The following DNAAF11 variants were observed in gnomAD, a reference collection of about 807,000 sequenced individuals.
DNAAF11 encodes leucine rich repeat containing 6.
In DNAAF11, 45 loss-of-function variants were observed where a neutral mutation model predicts 60.8. The observed-to-expected ratio is 0.74, with a 90% CI of 0.58 to 0.95. The LOEUF is 0.95. DNAAF11 is among the 40% of genes least tolerant of loss of function. The probability of loss-of-function intolerance (pLI) is 0.00; values close to 1 mark genes in which losing one functional copy is unlikely to be tolerated. For missense variants in DNAAF11, 546 were observed against 546.2 expected (o/e 1.00, Z 0.00); for synonymous variants, 191 against 183.5 (o/e 1.04, Z -0.33).
At chr8:132,627,477 C>T (rs954677735) in intron 5 of DNAAF11, among the ~76,000 whole-genome samples, 3 of 152,162 alleles carry the variant, frequency 2.0e-5, no homozygotes, top group Non-Finnish European at 2.9e-5. Context: ...ACTCTCTTCC[C>T]ATCCATAAGC....
intron 10 of DNAAF11, among the ~76,000 whole-genome samples, chr8:132,605,115 T>A (rs1586557086): frequency 6.6e-6 from 1 of 152,192 alleles, no homozygotes; most frequent in Admixed American, 6.5e-5. Context: ...TTATTTATAT[T>A]CACTTGCATA....
At chr8:132,683,842 A>G in the DNAAF11 span, among the ~76,000 whole-genome samples, 1 of 149,122 alleles carries the variant, frequency 6.7e-6, no homozygotes, top group African/African-American at 2.5e-5. Context: ...CCTCCCTCCT[A>G]TTTTCCTCCC....
chr8:132,671,211 A>G (rs1327232857), intron 1 of DNAAF11, among the ~76,000 whole-genome samples: 1 of 152,190 alleles, frequency 6.6e-6, no homozygotes, highest in African/African-American at 2.4e-5. Context: ...ATTGAATAAG[A>G]AAGTTTGAAA....
chr8:132,604,071 A>C (rs1817907633), intron 10 of DNAAF11, among the ~76,000 whole-genome samples: 1 of 152,174 alleles, frequency 6.6e-6, no homozygotes. Flanking sequence ...TTTCAGTTAG[A>C]AATTTCAGGA....
chr8:132,615,520 CCTT>C (rs1465254246), intron 7 of DNAAF11, among the ~76,000 whole-genome samples: 4 of 152,310 alleles, frequency 2.6e-5, no homozygotes, highest in South Asian at 2.1e-4. Context: ...GTCCTGTCTT[CCTT>C]CTTTTTTCTT....
chr8:132,670,579 A>G (rs974797312), intron 1 of DNAAF11, among the ~76,000 whole-genome samples: 2 of 152,198 alleles, frequency 1.3e-5, no homozygotes, highest in African/African-American at 4.8e-5. Flanking sequence ...AAACTCTTGT[A>G]GAAAATTGAA....
intron 4 of DNAAF11, among the ~76,000 whole-genome samples, chr8:132,635,192 T>C (rs1041766516): frequency 1.3e-5 from 2 of 152,140 alleles, no homozygotes; most frequent in Non-Finnish European, 2.9e-5. Flanking sequence ...TCCAAAATCA[T>C]GTCTGAGTTT....
chr8:132,626,510 T>C (rs1264217946), intron 5 of DNAAF11, among the ~76,000 whole-genome samples: 1 of 152,222 alleles, frequency 6.6e-6, no homozygotes, highest in Non-Finnish European at 1.5e-5. Flanking sequence ...ATGGGTATTA[T>C]ATGAGATATT....
At chr8:132,621,220 C>T (rs1231136323) in intron 7 of DNAAF11, among the ~76,000 whole-genome samples, 1 of 152,174 alleles carries the variant, frequency 6.6e-6, no homozygotes, top group African/African-American at 2.4e-5. Flanking sequence ...CTGTCAGCCA[C>T]AGAAGTGAAC....
chr8:132,630,811 A>G (rs1429388361), intron 5 of DNAAF11, among the ~76,000 whole-genome samples: 1 of 152,166 alleles, frequency 6.6e-6, no homozygotes, highest in East Asian at 1.9e-4. Context: ...ATGCAAATTA[A>G]TTTTTTTAAA....
chr8:132,579,650 G>T (rs1402149886), intron 11 of DNAAF11, among the ~76,000 whole-genome samples: 3 of 152,152 alleles, frequency 2.0e-5, no homozygotes, highest in Admixed American at 1.3e-4. Context: ...GGGGGAAAGG[G>T]TTGGTCCAAG....
chr8:132,648,774 A>G (rs1255619901), intron 3 of DNAAF11, among the ~76,000 whole-genome samples: 1 of 152,144 alleles, frequency 6.6e-6, no homozygotes, highest in African/African-American at 2.4e-5. Context: ...CTTCAAAGAG[A>G]ATAAAATACC....
intron 2 of DNAAF11, among the ~76,000 whole-genome samples, chr8:132,658,949 A>G (rs1339223948): frequency 6.6e-6 from 1 of 152,150 alleles, no homozygotes; most frequent in Non-Finnish European, 1.5e-5. Context: ...TTCTAGCCAG[A>G]CCATTCTAGT....
chr8:132,589,274 C>T (rs573399269), intron 10 of DNAAF11, among the ~76,000 whole-genome samples: 5 of 152,198 alleles, frequency 3.3e-5, no homozygotes, highest in Admixed American at 2.6e-4. Context: ...CAAACTAGCA[C>T]GAAATATGTG....
At chr8:132,698,970 AC>A in the DNAAF11 span, among the ~76,000 whole-genome samples, 1,199 of 114,454 alleles carry the variant, frequency 0.01, 25 homozygotes, top group African/African-American at 0.045. Flanking sequence ...ACACACACAC[AC>A]AAAAAAAATT....
chr8:132,629,339 C>CTTTTTTTTTTTTT (rs202230443), intron 5 of DNAAF11, among the ~76,000 whole-genome samples: 1 of 147,442 alleles, frequency 6.8e-6, no homozygotes, highest in African/African-American at 2.5e-5. Flanking sequence ...GATACCCATT[C>CTTTTTTTTTTTTT]TCTTTTTTTT....
At chr8:132,573,127 T>TAGATATAGATACAGATATAGATAC (rs566041561) in intron 11 of DNAAF11, among the ~76,000 whole-genome samples, 2,284 of 152,252 alleles carry the variant, frequency 0.015, 70 homozygotes, top group African/African-American at 0.052. Flanking sequence ...GATATAGATA[T>TAGATATAGATACAGATATAGATAC]AGATATAGAT....
chr8:132,575,588 T>G (rs1183634276), intron 11 of DNAAF11, among the ~76,000 whole-genome samples: 1 of 152,084 alleles, frequency 6.6e-6, no homozygotes, highest in African/African-American at 2.4e-5. Flanking sequence ...ACAAGCCAGG[T>G]TGAAGCACAA....
the DNAAF11 span, among the ~76,000 whole-genome samples, chr8:132,700,960 C>T: frequency 6.6e-6 from 1 of 152,266 alleles, no homozygotes. Context: ...GCTCACAGTT[C>T]TGAAATGTGA....
Sources: gnomAD v4.1 joint callset for allele counts (sites outside exome capture counted in the v4.1 genomes callset) on GRCh38, gnomAD v4.1.1 for gene constraint, MANE v1.5 for transcripts, NCBI Gene and HGNC (gene_info 2026-07-23, HGNC 2026-07-21) for gene names.